Variants in LYST observed in about 807,000 individuals in gnomAD.
LYST encodes the protein lysosomal trafficking regulator, also known as lysosomal-trafficking regulator.
LYST carries 192 observed loss-of-function variants against 413.6 expected under a neutral mutation model. That is an observed-to-expected ratio of 0.46 (90% CI 0.41 to 0.52). The LOEUF is 0.52. Among genes scored for constraint, LYST ranks in the 20% least tolerant of loss-of-function variants. LYST has a pLI of 0.00. For missense variants in LYST, 3,815 were observed against 4,499.9 expected (o/e 0.85, Z 4.35); for synonymous variants, 1,525 against 1,567.3 (o/e 0.97, Z 0.64).
intron 28 of LYST, among the ~76,000 whole-genome samples, chr1:235,748,924 A>G (rs1205040712): frequency 6.6e-6 from 1 of 152,156 alleles, no homozygotes; most frequent in Non-Finnish European, 1.5e-5. Flanking sequence ...CTCCTGCTGA[A>G]GGTGAAGGGT....
chr1:235,831,880 C>A lies in LYST; in HGVS notation c.-7-1456G>T, dbSNP rs964851510. On this transcript the variant is annotated intron_variant, in intron 2 of 52. Coordinates refer to ENST00000389793, the MANE Select transcript of LYST (RefSeq NM_000081.4). ...ATATTTATCCAACTTTAATATATTT[C>A]ATTGAATCTGTTCATAATTTTAGGA... 4.6e-5 allele frequency among the ~76,000 whole-genome samples: 7 copies of A among 152,056 alleles called. No individual in the cohort carries two copies. The South Asian group carries it at 1.5e-3, about 32-fold the overall frequency.
In LYST at chr1:235,751,766, T is replaced by C. The variant is rs376996998; in HGVS notation, c.7627+239A>G. ...TTTAAATTCTACTTGGTAAGAAAAATCAGTGACATCTTTCACTTATGTATT... is the reference window on the plus strand; with the variant it reads ...TTTAAATTCTACTTGGTAAGAAAAACCAGTGACATCTTTCACTTATGTATT... On this transcript the variant is annotated intron_variant, in intron 27 of 52. Transcript: ENST00000389793. Among the ~76,000 whole-genome samples, 12 of 152,266 alleles carry C rather than the reference T, an allele frequency of 7.9e-5. No homozygotes were observed. The East Asian group carries it at 2.3e-3, about 29-fold the overall frequency.
At chr1:235,786,857 C>T (rs1375262580) in intron 14 of LYST, among the ~76,000 whole-genome samples, 1 of 132,768 alleles carries the variant, frequency 7.5e-6, no homozygotes. Flanking sequence ...AATGAGAACA[C>T]TTGGACACAG....
At position 235,664,000 on chromosome 1, in the gene LYST, T is replaced by C; in HGVS notation, c.11251A>G (p.Asn3751Asp). ...AGATCTTACCTGATGATGGGCTTAT[T>C]TGATTTGGGAAATGTAATTTCTCTC... Reference protein sequence around the residue: ...PVREITFPKSNKPIISLTFSC... With the variant: ...PVREITFPKSDKPIISLTFSC... The change falls in exon 52 of 53, where the codon AAT (asparagine) becomes GAT (aspartate). Residue 3751 changes from asparagine (N) to aspartate (D), a missense_variant. By Grantham distance (23) the Asn-to-Asp change is conservative. This residue lies in a region of LYST where 866 missense variants were observed against 1,156.0 expected (regional missense o/e 0.75). Coordinates refer to ENST00000389793, the MANE Select transcript of LYST (RefSeq NM_000081.4). 2.5e-6 allele frequency: 4 copies of C among 1,612,756 alleles called. No homozygotes were observed. Among genetic ancestry groups the C allele is most frequent in the Non-Finnish European group, 3.4e-6 (4 of 1,178,694 alleles).
intron 30 of LYST, 59 bp downstream of exon 30, chr1:235,743,920 C>T (rs1665660662): frequency 1.0e-6 from 1 of 962,150 alleles, no homozygotes; most frequent in African/African-American, 1.6e-5. Flanking sequence ...ATACAGTCAA[C>T]ATAAAACCTC....
intron 1 of LYST, among the ~76,000 whole-genome samples, chr1:235,864,380 T>C (rs1200756053): frequency 6.6e-6 from 1 of 152,164 alleles, no homozygotes; most frequent in African/African-American, 2.4e-5. Flanking sequence ...GTAAACCTAA[T>C]CTCAGTAAAC....
At chr1:235,740,562 G>A (rs1359503217) in intron 31 of LYST, among the ~76,000 whole-genome samples, 1 of 152,116 alleles carries the variant, frequency 6.6e-6, no homozygotes, top group Non-Finnish European at 1.5e-5. Flanking sequence ...CAATGTTTCT[G>A]AGATTCATCC....
chr1:235,730,129 C>T (rs1010458652), intron 36 of LYST, among the ~76,000 whole-genome samples: 1 of 151,736 alleles, frequency 6.6e-6, no homozygotes, highest in African/African-American at 2.4e-5. Context: ...CTAGGAAAAA[C>T]AGAGGATTTG....
In LYST at chr1:235,686,155, C is replaced by T. The variant is rs1660204155; in HGVS notation, c.10800+794G>A. On this transcript the variant is annotated intron_variant, in intron 48 of 52. Coordinates refer to ENST00000389793, the MANE Select transcript of LYST (RefSeq NM_000081.4). This position sits in a 1 kb window ranked among gnomAD's most constrained non-coding sequence, Gnocchi z 4.0. ...GCCGAGGTGGGAGGATCACTTGAAG[C>T]CAGGAGTTCGAGACCAGCCTGGCCA... Among the ~76,000 whole-genome samples the T allele has an allele frequency of 6.6e-6, 1 of 151,868 alleles. No individual in the cohort carries two copies. The highest frequency in any genetic ancestry group is 2.4e-5 in the African/African-American group (1 of 41,342).
chr1:235,805,737 T>C lies in LYST; in HGVS notation c.3393+6A>G. 6.2e-7 allele frequency: 1 copy of C among 1,600,812 alleles called. No homozygotes were observed. Among genetic ancestry groups the C allele is most frequent in the African/African-American group, 1.3e-5 (1 of 74,602 alleles). On this transcript the variant is annotated splice_donor_region_variant and intron_variant, in intron 6 of 52. Transcript: ENST00000389793. Reference sequence around the variant, plus strand: ...CATAAGAGTTGGACTAAGGACAAGGTATTACCTGATTAGGTAACTCCAATT... The same window carrying C: ...CATAAGAGTTGGACTAAGGACAAGGCATTACCTGATTAGGTAACTCCAATT...
intron 8 of LYST, among the ~76,000 whole-genome samples, chr1:235,801,721 A>C (rs2102829642): frequency 6.6e-6 from 1 of 152,340 alleles, no homozygotes; most frequent in East Asian, 1.9e-4. Context: ...CAAAATTATA[A>C]AGTCAAATCT....
chr1:235,812,380 G>A (rs558039464), intron 4 of LYST, among the ~76,000 whole-genome samples: 3 of 151,600 alleles, frequency 2.0e-5, no homozygotes, highest in African/African-American at 7.3e-5. Flanking sequence ...GGTGGTGCAC[G>A]ACTGTAATCC....
chr1:235,779,002 G>A (rs1669595024), intron 16 of LYST, among the ~76,000 whole-genome samples: 1 of 151,870 alleles, frequency 6.6e-6, no homozygotes, highest in East Asian at 1.9e-4. Flanking sequence ...GAGTAGCTGG[G>A]ATTACAGGCA....
At chr1:235,835,345 C>T (rs74992044) in intron 1 of LYST, among the ~76,000 whole-genome samples, 4,136 of 152,246 alleles carry the variant, frequency 0.027, 202 homozygotes, top group African/African-American at 0.094. Context: ...TACTACCACC[C>T]TCCAGCTTGG....
intron 48 of LYST, among the ~76,000 whole-genome samples, chr1:235,681,028 A>T (rs1364590641): frequency 2.0e-5 from 3 of 152,184 alleles, no homozygotes; most frequent in African/African-American, 7.2e-5. Flanking sequence ...CTGGGGATAC[A>T]GAGTTCCCCT....
intron 3 of LYST, among the ~76,000 whole-genome samples, chr1:235,820,285 G>A (rs1414066237): frequency 6.6e-6 from 1 of 152,206 alleles, no homozygotes; most frequent in Non-Finnish European, 1.5e-5. Context: ...AGATGGCTAG[G>A]GTTCAAGGAC....
At chr1:235,778,074 C>T (rs1354036906) in intron 16 of LYST, among the ~76,000 whole-genome samples, 21 of 141,226 alleles carry the variant, frequency 1.5e-4, no homozygotes, top group Admixed American at 1.4e-3. Context: ...AGGCACCTGC[C>T]ACCACACCCA....
In LYST at chr1:235,806,752, A is replaced by G. The variant is rs1297032110; in HGVS notation, c.2384T>C (p.Leu795Ser). 3.7e-6 allele frequency: 6 copies of G among 1,611,454 alleles called. No individual in the cohort carries two copies. The highest frequency in any genetic ancestry group is 5.1e-6 in the Non-Finnish European group (6 of 1,177,822). Reference protein sequence around the residue: ...LKSRVIRDLFLSCNGVSQIIE... With the variant: ...LKSRVIRDLFSSCNGVSQIIE... Reference sequence around the variant, plus strand: ...TATTTGACTTACTCCATTACAACTCAAAAACAAATCTCTTATTACCCTGTG... The same window carrying G: ...TATTTGACTTACTCCATTACAACTCGAAAACAAATCTCTTATTACCCTGTG... The change falls in exon 6 of 53, where the codon TTG (leucine) becomes TCG (serine). Residue 795 changes from leucine (L) to serine (S), a missense_variant. Physicochemically the swap from Leu to Ser is moderately radical, Grantham distance 145. Coordinates refer to ENST00000389793, the MANE Select transcript of LYST (RefSeq NM_000081.4).
chr1:235,860,183 A>C (rs1310540430), intron 1 of LYST, among the ~76,000 whole-genome samples: 1 of 152,126 alleles, frequency 6.6e-6, no homozygotes, highest in Non-Finnish European at 1.5e-5. Context: ...TTTTTAAAAA[A>C]AGACTTTATT....
Sources: allele counts gnomAD v4.1 joint callset (sites outside exome capture counted in the v4.1 genomes callset), GRCh38; gene constraint gnomAD v4.1.1; regional missense constraint gnomAD v4.1.1; non-coding constraint Gnocchi (gnomAD v3.1); transcripts MANE v1.5; gene names NCBI Gene and HGNC (gene_info 2026-07-23, HGNC 2026-07-21).